Variants in CASS4 observed in about 807,000 individuals in gnomAD.
The protein encoded by CASS4 is Cas scaffold protein family member 4.
Under a neutral mutation model 54.2 loss-of-function variants are expected in CASS4, and 22 were observed. The observed-to-expected ratio is 0.41, with a 90% CI of 0.29 to 0.58. The LOEUF is 0.58. Ranked by LOEUF, CASS4 falls within the 20% of genes least tolerant of loss-of-function variation. The probability of loss-of-function intolerance (pLI) is 0.36; values close to 1 mark genes in which losing one functional copy is unlikely to be tolerated. For synonymous variants in CASS4, 409 were observed against 391.5 expected (o/e 1.04, Z -0.53); for missense variants, 854 against 986.7 (o/e 0.87, Z 1.80).
chr20:56,451,760 G>T, intron 4 of CASS4, 59 bp from the exon 5 acceptor site: 5 of 1,265,406 alleles, frequency 4.0e-6, no homozygotes, highest in African/African-American at 1.5e-5. Flanking sequence ...TTTAAACAAC[G>T]CACTCGCGCC....
chr20:56,432,355 C>CTTTTT (rs922336949), intron 1 of CASS4, among the ~76,000 whole-genome samples: 9 of 101,064 alleles, frequency 8.9e-5, no homozygotes, highest in South Asian at 3.1e-4. Context: ...TTCATAAGTC[C>CTTTTT]TTTTTTTTTT....
At chr20:56,439,875 C>G (rs1384169282) in intron 2 of CASS4, among the ~76,000 whole-genome samples, 2 of 152,168 alleles carry the variant, frequency 1.3e-5, no homozygotes, top group African/African-American at 4.8e-5. Context: ...CTTTCAGCTC[C>G]CATGACACAT....
At chr20:56,413,502 A>G (rs780796158) in intron 1 of CASS4, among the ~76,000 whole-genome samples, 2 of 151,946 alleles carry the variant, frequency 1.3e-5, no homozygotes, top group Non-Finnish European at 2.9e-5. Context: ...AAAAAACCCC[A>G]TATCTACCAA....
chr20:56,455,519 A>G (rs1173643142), intron 5 of CASS4, among the ~76,000 whole-genome samples: 2 of 152,208 alleles, frequency 1.3e-5, no homozygotes, highest in Non-Finnish European at 2.9e-5. Context: ...CCCAAACACT[A>G]GTCTTTGGGC....
intron 5 of CASS4, among the ~76,000 whole-genome samples, chr20:56,455,157 T>C (rs1981232404): frequency 6.6e-6 from 1 of 152,132 alleles, no homozygotes; most frequent in African/African-American, 2.4e-5. Flanking sequence ...TCAAAGATGT[T>C]ATCGTTGTGC....
At chr20:56,457,647 G>C (rs1186767250) in intron 5 of CASS4, among the ~76,000 whole-genome samples, 2 of 152,044 alleles carry the variant, frequency 1.3e-5, no homozygotes, top group African/African-American at 2.4e-5. Context: ...GAGGATTTTT[G>C]GCTTTTTAAA....
At chr20:56,445,453 G>A (rs763001141) in intron 2 of CASS4, among the ~76,000 whole-genome samples, 10 of 152,102 alleles carry the variant, frequency 6.6e-5, no homozygotes, top group South Asian at 4.1e-4. Context: ...TGCCTATTGC[G>A]TGCACTTCTC....
At position 56,412,615 on chromosome 20, in the gene CASS4, TG is replaced by T; in HGVS notation, c.36+123del. 1 of 1,004,776 alleles carries T rather than the reference TG, an allele frequency of 1.0e-6. No homozygotes were observed. The highest frequency in any genetic ancestry group is 2.7e-5 in the East Asian group (1 of 37,316). The allele number at this position is 1,004,776 out of a possible 1,614,324, so 62.2% of individuals were successfully genotyped here. ...GGTTGAATACCAGTGACGTGTGAGT[TG>T]GAGATGGGAAAGTTTAACATAAGTT... On this transcript the variant is annotated intron_variant, in intron 1 of 5. Transcript: ENST00000679887. The surrounding 1 kb of genome is among the most constrained non-coding windows in gnomAD (Gnocchi z 4.2).
Position 56,460,363 on chromosome 20 carries a change from A to C in CASS4, c.*1616A>C, listed in dbSNP as rs1396992278. ...CTTTTGCACCACCCTAATAATATTA[A>C]ATATAATCATGACTTTAAACATCAT... On this transcript the variant is annotated 3_prime_UTR_variant, in exon 6 of 6. Transcript: ENST00000679887. 2 of 152,588 alleles carry C rather than the reference A, an allele frequency of 1.3e-5. No homozygotes were observed. The highest frequency in any genetic ancestry group is 4.8e-5 in the African/African-American group (2 of 41,454). The allele number at this position is 152,588 out of a possible 1,614,324, so 9.5% of individuals were successfully genotyped here.
chr20:56,452,249 G>C lies in CASS4; in HGVS notation c.1073G>C (p.Ser358Thr), dbSNP rs975696211. 6 of 1,613,934 alleles carry C rather than the reference G, an allele frequency of 3.7e-6. No homozygotes were observed. The highest frequency in any genetic ancestry group is 5.1e-6 in the Non-Finnish European group (6 of 1,180,038). The change falls in exon 5 of 6, where the codon AGT (serine) becomes ACT (threonine). Residue 358 changes from serine to threonine, a missense_variant. Ser to Thr is a moderately conservative substitution (Grantham distance 58, BLOSUM62 1). Transcript: ENST00000679887. Reference sequence around the variant, plus strand: ...TATGACATCCCTAAAGCAACGTCGAGTGTTTCTCAGGCTGGGAAGGAGCTG... The same window carrying C: ...TATGACATCCCTAAAGCAACGTCGACTGTTTCTCAGGCTGGGAAGGAGCTG... Reference protein sequence around the residue: ...NIYDIPKATSSVSQAGKELEK... With the variant: ...NIYDIPKATSTVSQAGKELEK...
At chr20:56,444,937 C>A (rs1212368851) in intron 2 of CASS4, among the ~76,000 whole-genome samples, 1 of 152,066 alleles carries the variant, frequency 6.6e-6, no homozygotes, top group Non-Finnish European at 1.5e-5. Flanking sequence ...ATGGTGAAAC[C>A]CTGTCTCTAC....
Position 56,455,133 on chromosome 20 carries a change from TA to T in CASS4, c.1953+2016del, listed in dbSNP as rs11383849. On this transcript the variant is annotated intron_variant, in intron 5 of 5. Coordinates refer to ENST00000679887, the MANE Select transcript of CASS4 (RefSeq NM_020356.4). ...TTTACACTTGATGTTCTTCCTTTTTTAAAAAAAAAAAAGTCAAAGATGTTAT... is the reference window on the plus strand; with the variant it reads ...TTTACACTTGATGTTCTTCCTTTTTTAAAAAAAAAAAGTCAAAGATGTTAT... Among the ~76,000 whole-genome samples, 1,171 of 149,658 alleles carry T rather than the reference TA, an allele frequency of 7.8e-3. 14 individuals carry two copies. The highest frequency in any genetic ancestry group is 0.024 in the African/African-American group (1,000 of 40,922).
chr20:56,440,918 C>T (rs1980423455), intron 2 of CASS4, among the ~76,000 whole-genome samples: 1 of 152,108 alleles, frequency 6.6e-6, no homozygotes. Context: ...AAGTTCCCTC[C>T]ATGTCTGCCC....
At chr20:56,444,563 G>A (rs1471740681) in intron 2 of CASS4, among the ~76,000 whole-genome samples, 3 of 152,126 alleles carry the variant, frequency 2.0e-5, no homozygotes, top group African/African-American at 7.2e-5. Context: ...TCCTAGAGAC[G>A]TTCTAGTTCA....
At chr20:56,449,449 G>T (rs1980887685) in intron 3 of CASS4, among the ~76,000 whole-genome samples, 1 of 152,000 alleles carries the variant, frequency 6.6e-6, no homozygotes, top group South Asian at 2.1e-4. Flanking sequence ...TCACACACCG[G>T]GGCCTGTCAT....
chr20:56,452,367 A>G lies in CASS4; in HGVS notation c.1191A>G (p.Arg397=). ...CTTCCCCATCTCCTGAACCGGACAG[A>G]TTATCAGGTTCCAGTTCTGACAGCA... The part of the protein sequence containing the change: ...RTTSPSPEPD[R]LSGSSSDSRA... Residue 397 remains arginine (R), a synonymous_variant, in exon 5 of 6, where the codon AGA becomes AGG. Transcript: ENST00000679887. 1 of 1,613,978 alleles carries G rather than the reference A, an allele frequency of 6.2e-7. No individual in the cohort carries two copies. The highest frequency in any genetic ancestry group is 2.2e-5 in the East Asian group (1 of 44,880).
At chr20:56,441,530 G>A (rs139479108) in intron 2 of CASS4, among the ~76,000 whole-genome samples, 9,879 of 151,990 alleles carry the variant, frequency 0.065, 722 homozygotes, top group African/African-American at 0.18. Context: ...GCTTGAACCC[G>A]GGAAGTGGAA....
At chr20:56,421,221 T>C (rs768376726) in intron 1 of CASS4, among the ~76,000 whole-genome samples, 2 of 152,222 alleles carry the variant, frequency 1.3e-5, no homozygotes, top group Non-Finnish European at 2.9e-5. Flanking sequence ...ACAATACTGG[T>C]GTATCTTGAT....
At chr20:56,418,193 A>G (rs952058691) in intron 1 of CASS4, among the ~76,000 whole-genome samples, 2 of 152,166 alleles carry the variant, frequency 1.3e-5, no homozygotes, top group Admixed American at 6.5e-5. Flanking sequence ...GATCTGATGG[A>G]GGCGATGGAT....
Sources: gnomAD v4.1 joint callset for allele counts (sites outside exome capture counted in the v4.1 genomes callset) on GRCh38, gnomAD v4.1.1 for gene constraint, Gnocchi (gnomAD v3.1) non-coding constraint, MANE v1.5 for transcripts, NCBI Gene and HGNC (gene_info 2026-07-23, HGNC 2026-07-21) for gene names.